The following DMD variants were observed in gnomAD, a reference collection of about 807,000 sequenced individuals.
DMD encodes mutant dystrophin.
Under a neutral mutation model 330.1 loss-of-function variants are expected in DMD, and 63 were observed. That is an observed-to-expected ratio of 0.19 (90% CI 0.16 to 0.24). The LOEUF is 0.24. Among genes scored for constraint, DMD ranks in the 10% least tolerant of loss-of-function variants. The pLI, the probability that DMD is intolerant of heterozygous loss-of-function variation, is 1.00. For synonymous variants in DMD, 1,223 were observed against 959.8 expected (o/e 1.27, Z -5.07); for missense variants, 3,344 against 2,684.1 (o/e 1.25, Z -5.43).
chrX:32,510,773 T>G (rs1411584832), intron 18 of DMD, among the ~76,000 whole-genome samples: 1 of 111,501 alleles, frequency 9.0e-6, no homozygotes, highest in Non-Finnish European at 1.9e-5. Flanking sequence ...GAAGGATGGA[T>G]TAAATCAAAG....
intron 62 of DMD, among the ~76,000 whole-genome samples, chrX:31,279,775 T>G (rs1055488484): frequency 1.8e-5 from 2 of 112,524 alleles, no homozygotes; most frequent in Non-Finnish European, 3.8e-5. Context: ...CATCAAATAG[T>G]GAGCTAAGTA....
At chrX:32,778,243 C>CA (rs35311570) in intron 7 of DMD, among the ~76,000 whole-genome samples, 18,405 of 67,490 alleles carry the variant, frequency 0.27, 2,120 homozygotes, top group Admixed American at 0.39. Context: ...CAGATCCTCG[C>CA]AAAAAAAAAA....
At chrX:32,895,214 T>G (rs2085595259) in intron 2 of DMD, among the ~76,000 whole-genome samples, 1 of 112,324 alleles carries the variant, frequency 8.9e-6, no homozygotes, top group Non-Finnish European at 1.9e-5. Context: ...CATATGAATT[T>G]GGGGCAAACA....
chrX:31,389,517 G>T (rs1481528602), intron 60 of DMD, among the ~76,000 whole-genome samples: 2 of 111,855 alleles, frequency 1.8e-5, no homozygotes, highest in African/African-American at 6.5e-5. Flanking sequence ...CAGATATAGT[G>T]CAGTAAGGAA....
At chrX:32,645,557 T>C (rs1378888850) in intron 9 of DMD, among the ~76,000 whole-genome samples, 2 of 111,865 alleles carry the variant, frequency 1.8e-5, no homozygotes, top group Admixed American at 9.5e-5. Flanking sequence ...GAAATATCTC[T>C]TCCTGAGAGG....
At chrX:32,845,452 T>A (rs1603447204) in intron 3 of DMD, among the ~76,000 whole-genome samples, 3 of 112,192 alleles carry the variant, frequency 2.7e-5, no homozygotes, top group Non-Finnish European at 5.6e-5. Flanking sequence ...ATTTATTAAG[T>A]TGTAGAGTTT....
intron 1 of DMD, among the ~76,000 whole-genome samples, chrX:33,109,843 A>C (rs147785959): frequency 0.029 from 3,241 of 111,887 alleles, 131 homozygotes; most frequent in African/African-American, 0.1. Context: ...CAGTTAAAAT[A>C]AAAAGCCAGA....
chrX:32,252,687 TATATATATAAATATATATAA>T (rs1182695139), intron 43 of DMD, among the ~76,000 whole-genome samples: 2 of 35,513 alleles, frequency 5.6e-5, no homozygotes, highest in Admixed American at 1.1e-3. Flanking sequence ...AATATATAAA[TATATATATAAATATATATAA>T]ATATATAAAT....
At chrX:33,222,945 G>C (rs2052209808) in intron 1 of DMD, among the ~76,000 whole-genome samples, 1 of 112,005 alleles carries the variant, frequency 8.9e-6, no homozygotes, top group Non-Finnish European at 1.9e-5. Context: ...AATCTCAGTA[G>C]TTACTTTGCA....
chrX:32,806,144 G>A (rs1270672272), intron 7 of DMD, among the ~76,000 whole-genome samples: 1 of 111,973 alleles, frequency 8.9e-6, no homozygotes, highest in Admixed American at 9.5e-5. Context: ...CTGGCAAATT[G>A]GATGAAGAGT....
chrX:32,610,736 A>T (rs1349705306), intron 12 of DMD, among the ~76,000 whole-genome samples: 1 of 111,242 alleles, frequency 9.0e-6, no homozygotes, highest in African/African-American at 3.3e-5. Context: ...GTCTATCTAC[A>T]CAAAGCTAAA....
intron 44 of DMD, among the ~76,000 whole-genome samples, chrX:32,163,824 T>C (rs112101617): frequency 0.028 from 3,171 of 111,680 alleles, 108 homozygotes; most frequent in African/African-American, 0.094. Flanking sequence ...GATGTAACCA[T>C]TAGCTGAAGA....
chrX:31,522,363 C>CTCTCTATATATATATATATATATATATA, intron 55 of DMD, among the ~76,000 whole-genome samples: 9 of 35,954 alleles, frequency 2.5e-4, no homozygotes, highest in African/African-American at 3.8e-4. Flanking sequence ...CTCTCTCTCT[C>CTCTCTATATATATATATATATATATATA]TATATATATA....
At chrX:31,573,620 T>C (rs2075937536) in intron 55 of DMD, among the ~76,000 whole-genome samples, 1 of 112,184 alleles carries the variant, frequency 8.9e-6, no homozygotes, top group Admixed American at 9.4e-5. Context: ...ATCTACTTCT[T>C]CTCCGAGTCA....
intron 43 of DMD, among the ~76,000 whole-genome samples, chrX:32,251,197 A>T (rs769549042): frequency 3.1e-4 from 33 of 107,549 alleles, no homozygotes; most frequent in South Asian, 4.0e-4. Flanking sequence ...AATAATAATT[A>T]AAAAAAAAAG....
chrX:32,652,150 T>A (rs773702413), intron 9 of DMD, among the ~76,000 whole-genome samples: 2 of 111,539 alleles, frequency 1.8e-5, no homozygotes, highest in South Asian at 7.6e-4. Context: ...ATCTTTTTTT[T>A]TATACTTTAA....
chrX:32,468,693 C>A lies in DMD; in HGVS notation c.2967G>T (p.Leu989=), dbSNP rs760097427. The change falls in exon 23 of 79, where the codon CTG becomes CTT. Residue 989 remains leucine, a synonymous_variant. Transcript: ENST00000357033. ...LGELQALQSS[L]QEQQSGLYYL... is the part of the protein sequence containing the mutation. ...AGTATAGGCCACTTTGTTGCTCTTGCAGAGAACTTTGTAAAGCCTAAAAAA... is the reference window on the plus strand; with the variant it reads ...AGTATAGGCCACTTTGTTGCTCTTGAAGAGAACTTTGTAAAGCCTAAAAAA... The A allele has an allele frequency of 2.9e-5, 35 of 1,208,540 alleles. No homozygotes were observed. Among genetic ancestry groups the A allele is most frequent in the Non-Finnish European group, 3.8e-5 (34 of 894,473 alleles).
intron 44 of DMD, among the ~76,000 whole-genome samples, chrX:31,978,533 A>C (rs1293060357): frequency 9.0e-6 from 1 of 111,609 alleles, no homozygotes; most frequent in African/African-American, 3.3e-5. Flanking sequence ...CCCTGCTCAA[A>C]AATTTATACT....
chrX:31,682,977 A>T (rs1166560434), intron 52 of DMD, among the ~76,000 whole-genome samples: 19 of 112,061 alleles, frequency 1.7e-4, no homozygotes, highest in Non-Finnish European at 3.8e-5. Context: ...TTATAACCTG[A>T]ACCATTATTT....
Sources: allele counts gnomAD v4.1 joint callset (sites outside exome capture counted in the v4.1 genomes callset), GRCh38; gene constraint gnomAD v4.1.1; transcripts MANE v1.5; gene names NCBI Gene and HGNC (gene_info 2026-07-23, HGNC 2026-07-21).